PPP2R2B: variants seen among roughly 807,000 people sequenced by gnomAD.
The protein encoded by PPP2R2B is protein phosphatase 2 regulatory subunit Bbeta.
PPP2R2B carries 5 observed loss-of-function variants against 46.0 expected under a neutral mutation model. The ratio of observed to expected loss-of-function variants is 0.11; its 90% CI spans 0.06 to 0.23. The LOEUF is 0.23. Among genes scored for constraint, PPP2R2B ranks in the 10% least tolerant of loss-of-function variants. The pLI, the probability that PPP2R2B is intolerant of heterozygous loss-of-function variation, is 1.00. For synonymous variants in PPP2R2B, 215 were observed against 206.7 expected (o/e 1.04, Z -0.34); for missense variants, 367 against 575.0 (o/e 0.64, Z 3.70).
At chr5:146,831,196 T>C (rs778266345) in intron 2 of PPP2R2B, among the ~76,000 whole-genome samples, 2 of 152,086 alleles carry the variant, frequency 1.3e-5, no homozygotes, top group African/African-American at 4.8e-5. Flanking sequence ...AGTTAACCTT[T>C]ATTAAAAAGT....
At chr5:146,967,890 G>A (rs976433717) in intron 1 of PPP2R2B, among the ~76,000 whole-genome samples, 7 of 152,080 alleles carry the variant, frequency 4.6e-5, no homozygotes, top group Admixed American at 3.9e-4. Context: ...TATCCTCACT[G>A]CAGCAAACAA....
chr5:146,930,150 G>A (rs1364663119), intron 1 of PPP2R2B, among the ~76,000 whole-genome samples: 1 of 152,078 alleles, frequency 6.6e-6, no homozygotes, highest in Non-Finnish European at 1.5e-5. Context: ...GTGGAATGGA[G>A]GGCCGCTTTA....
At position 146,605,136 on chromosome 5, in the gene PPP2R2B, C is replaced by A. The variant is rs1347512007; in HGVS notation, c.791-4676G>T. ...CACTCACTATTCATAGGTTTTAGTA[C>A]TTTTCCACAAATTAGTCTAATCAGT... is the stretch of plus-strand genomic sequence containing the variant. On this transcript the variant is annotated intron_variant, in intron 7 of 9. Coordinates refer to ENST00000394411, the MANE Select transcript of PPP2R2B (RefSeq NM_181675.4). Among the ~76,000 whole-genome samples the A allele has an allele frequency of 2.0e-5, 3 of 152,174 alleles. No homozygotes were observed. The South Asian group carries it at 6.2e-4, about 32-fold the overall frequency.
At chr5:146,616,270 A>G (rs1773161540) in intron 7 of PPP2R2B, among the ~76,000 whole-genome samples, 1 of 152,240 alleles carries the variant, frequency 6.6e-6, no homozygotes, top group Admixed American at 6.5e-5. Context: ...AAGACCTTAG[A>G]GCATGAAACT....
intron 2 of PPP2R2B, among the ~76,000 whole-genome samples, chr5:146,786,799 A>G (rs1177707956): frequency 6.6e-6 from 1 of 152,218 alleles, no homozygotes; most frequent in Non-Finnish European, 1.5e-5. Flanking sequence ...TTACAGATCA[A>G]TCTTTAGAGA....
intron 1 of PPP2R2B, among the ~76,000 whole-genome samples, chr5:146,927,552 G>A (rs1289129784): frequency 6.6e-6 from 1 of 152,146 alleles, no homozygotes; most frequent in Admixed American, 6.6e-5. Flanking sequence ...CTGCAGGCAA[G>A]GAGTGGTGGA....
chr5:146,929,722 T>A (rs1194168455), intron 1 of PPP2R2B, among the ~76,000 whole-genome samples: 1 of 152,160 alleles, frequency 6.6e-6, no homozygotes, highest in African/African-American at 2.4e-5. Flanking sequence ...ATTGTATAAA[T>A]AAAATAAGCA....
At chr5:146,740,512 G>A (rs1438392682) in intron 2 of PPP2R2B, among the ~76,000 whole-genome samples, 2 of 150,770 alleles carry the variant, frequency 1.3e-5, no homozygotes, top group Non-Finnish European at 3.0e-5. Flanking sequence ...TCTTATGGAA[G>A]CTACCTCCCT....
chr5:146,970,278 G>T (rs1199618808), intron 1 of PPP2R2B, among the ~76,000 whole-genome samples: 1 of 152,108 alleles, frequency 6.6e-6, no homozygotes, highest in African/African-American at 2.4e-5. Context: ...TATAATGTTG[G>T]TCTGCTTCTG....
intron 2 of PPP2R2B, among the ~76,000 whole-genome samples, chr5:146,719,767 C>T (rs1410476328): frequency 2.6e-5 from 4 of 152,100 alleles, no homozygotes; most frequent in Non-Finnish European, 5.9e-5. Context: ...GCAGTATTAG[C>T]CCACACAAAG....
At chr5:146,791,051 G>C (rs573642054) in intron 2 of PPP2R2B, among the ~76,000 whole-genome samples, 103 of 152,250 alleles carry the variant, frequency 6.8e-4, no homozygotes, top group African/African-American at 2.4e-3. Context: ...GGCAAAGAGA[G>C]ACTACCTGCA....
intron 2 of PPP2R2B, among the ~76,000 whole-genome samples, chr5:146,843,476 C>A (rs1207051171): frequency 2.0e-5 from 3 of 152,162 alleles, no homozygotes; most frequent in East Asian, 3.8e-4. Context: ...GAGCTTAGAT[C>A]TTATTTTATA....
At chr5:146,970,728 G>C (rs1246851681) in intron 1 of PPP2R2B, among the ~76,000 whole-genome samples, 1 of 152,082 alleles carries the variant, frequency 6.6e-6, no homozygotes, top group African/African-American at 2.4e-5. Flanking sequence ...AGGAACTTGC[G>C]GCTCATAAGA....
At chr5:146,963,059 C>T (rs1752246587) in intron 1 of PPP2R2B, among the ~76,000 whole-genome samples, 1 of 152,164 alleles carries the variant, frequency 6.6e-6, no homozygotes, top group African/African-American at 2.4e-5. Context: ...TCAATGTGTA[C>T]AAATTGGATT....
At chr5:146,720,223 G>A (rs1192175483) in intron 2 of PPP2R2B, among the ~76,000 whole-genome samples, 1 of 152,216 alleles carries the variant, frequency 6.6e-6, no homozygotes, top group Non-Finnish European at 1.5e-5. Context: ...AGCACTGCAA[G>A]TGCAAGTATG....
At position 146,583,063 on chromosome 5, in the gene PPP2R2B, TG is replaced by T. The variant is rs759780538; in HGVS notation, c.*6883del. ...TTACTAATCAGTCATACCAGAGTGT[TG>T]TGAATTCCATATATATATAGCATAT... On this transcript the variant is annotated 3_prime_UTR_variant, in exon 10 of 10. Transcript: ENST00000394411. The T allele has an allele frequency of 1.4e-4, 21 of 152,220 alleles. No individual in the cohort carries two copies. The highest frequency in any genetic ancestry group is 2.6e-4 in the Non-Finnish European group (18 of 68,040). 9.4% of individuals were successfully genotyped at this position (152,220 alleles called of 1,614,324 possible).
intron 1 of PPP2R2B, among the ~76,000 whole-genome samples, chr5:146,909,128 G>A (rs953678371): frequency 6.6e-6 from 1 of 152,146 alleles, no homozygotes. Context: ...CAGGGTGAGT[G>A]ACCTTGACTG....
rs536566632 is a variant in PPP2R2B, at chr5:146,972,089, T to C, written c.79+83576A>G. Among the ~76,000 whole-genome samples, 19 of 152,324 alleles carry C rather than the reference T, an allele frequency of 1.2e-4. 1 individual carries two copies. The South Asian group carries it at 3.9e-3, about 32-fold the overall frequency. On this transcript the variant is annotated intron_variant, in intron 1 of 8. Transcript: ENST00000336640. Reference sequence around the variant, plus strand: ...CTTAGTCTCACCTGGTTTCTGACAGTCTCTCCGTCTTCCTTTGCTCTTCAT... The same window carrying C: ...CTTAGTCTCACCTGGTTTCTGACAGCCTCTCCGTCTTCCTTTGCTCTTCAT...
intron 1 of PPP2R2B, among the ~76,000 whole-genome samples, chr5:147,035,403 T>C (rs1755989398): frequency 6.6e-6 from 1 of 151,868 alleles, no homozygotes; most frequent in African/African-American, 2.4e-5. Context: ...CATGTGGGGG[T>C]TACAATTTGA....
Sources: gnomAD v4.1 joint callset for allele counts (sites outside exome capture counted in the v4.1 genomes callset) on GRCh38, gnomAD v4.1.1 for gene constraint, MANE v1.5 for transcripts, NCBI Gene and HGNC (gene_info 2026-07-23, HGNC 2026-07-21) for gene names.